The following KIF6 variants were observed in gnomAD, a reference collection of about 807,000 sequenced individuals.
KIF6 encodes kinesin-like protein KIF6.
Under a neutral mutation model 112.7 loss-of-function variants are expected in KIF6, and 106 were observed. The ratio of observed to expected loss-of-function variants is 0.94; its 90% CI spans 0.80 to 1.11. The LOEUF (loss-of-function observed/expected upper bound fraction) is 1.11, where lower values mean the gene tolerates loss of function less well. Among genes scored for constraint, KIF6 ranks in the 50% least tolerant of loss-of-function variants. The pLI is 0.00. For synonymous variants in KIF6, 339 were observed against 339.9 expected (o/e 1.00, Z 0.03); for missense variants, 929 against 964.0 (o/e 0.96, Z 0.48).
At chr6:39,511,440 C>A (rs1776773017) in intron 13 of KIF6, among the ~76,000 whole-genome samples, 1 of 152,110 alleles carries the variant, frequency 6.6e-6, no homozygotes, top group Non-Finnish European at 1.5e-5. Flanking sequence ...AGTCAAGAAA[C>A]AACAGGTGCT....
In KIF6 at chr6:39,332,412, T is replaced by C. The variant is rs1291107063; in HGVS notation, c.*4120A>G. On this transcript the variant is annotated 3_prime_UTR_variant, in exon 23 of 23. Coordinates refer to ENST00000287152, the MANE Select transcript of KIF6 (RefSeq NM_145027.6). Reference sequence around the variant, plus strand: ...TATTCCTTTAGATATTTTGAAGCTTTGTTTTGGGACTCATTGAAGTTACTT... The same window carrying C: ...TATTCCTTTAGATATTTTGAAGCTTCGTTTTGGGACTCATTGAAGTTACTT... The C allele has an allele frequency of 3.3e-5, 5 of 152,240 alleles. No homozygotes were observed. The highest frequency in any genetic ancestry group is 1.2e-4 in the African/African-American group (5 of 41,454). 9.4% of individuals were successfully genotyped at this position (152,240 alleles called of 1,614,324 possible).
chr6:39,544,597 T>C lies in KIF6; in HGVS notation c.1384A>G (p.Arg462Gly). Residue 462 changes from arginine (R) to glycine (G), a missense_variant, in exon 12 of 23, where the codon AGA (arginine) becomes GGA (glycine). Arg to Gly is a moderately radical substitution (Grantham distance 125, BLOSUM62 -2). Transcript: ENST00000287152. ...TGTTTCAGAATATCTCGTAGCTTTC[T>C]ATATTCTTCTTCTTTTAATGGTTCT... ...CQEPLKEEEY[R>G]KLRDILKQRD... 2 of 1,611,156 alleles carry C rather than the reference T, an allele frequency of 1.2e-6. No individual in the cohort carries two copies. The highest frequency in any genetic ancestry group is 1.7e-6 in the Non-Finnish European group (2 of 1,177,442).
In KIF6 at chr6:39,675,176, C is replaced by T. The variant is rs1214424713; in HGVS notation, c.252-35419G>A. On this transcript the variant is annotated intron_variant, in intron 3 of 22. Transcript: ENST00000287152. ...AAAAGCTTATGAGCTAATCCTGGGG[C>T]ACACATAGGAGTGTGGGATGGAGAA... is the stretch of plus-strand genomic sequence containing the variant. Among the ~76,000 whole-genome samples, 3 of 152,172 alleles carry T rather than the reference C, an allele frequency of 2.0e-5. No individual in the cohort carries two copies. The East Asian group carries it at 5.8e-4, about 29-fold the overall frequency.
At position 39,534,364 on chromosome 6, in the gene KIF6, T is replaced by A. The variant is rs1313038959; in HGVS notation, c.1645+5639A>T. Among the ~76,000 whole-genome samples, 4 of 152,126 alleles carry A rather than the reference T, an allele frequency of 2.6e-5. No individual in the cohort carries two copies. In the East Asian group the frequency reaches 5.8e-4, roughly 22 times the overall value. On this transcript the variant is annotated intron_variant, in intron 13 of 22. Coordinates refer to ENST00000287152, the MANE Select transcript of KIF6 (RefSeq NM_145027.6). Reference sequence around the variant, plus strand: ...AGAATAACCAATACAGAGAAGTGCTTAAAGGAGCTGATGGAGCTGAAAGCC... The same window carrying A: ...AGAATAACCAATACAGAGAAGTGCTAAAAGGAGCTGATGGAGCTGAAAGCC...
At chr6:39,434,559 C>T (rs1239647218) in intron 13 of KIF6, among the ~76,000 whole-genome samples, 2 of 151,738 alleles carry the variant, frequency 1.3e-5, no homozygotes, top group Non-Finnish European at 2.9e-5. Flanking sequence ...TGACAAGGTG[C>T]GACTCCATCT....
chr6:39,423,072 C>A (rs144959016), intron 14 of KIF6, among the ~76,000 whole-genome samples: 5 of 152,300 alleles, frequency 3.3e-5, no homozygotes, highest in Admixed American at 3.3e-4. Context: ...ATTAGGGCGT[C>A]GTTAGTTGTG....
At position 39,657,082 on chromosome 6, in the gene KIF6, A is replaced by T. The variant is rs548998926; in HGVS notation, c.252-17325T>A. ...CCCGTCTCTACTAAAAATACAAAAAAATTTGCCAGGCCTGGTGGTGCGTGC... is the reference window on the plus strand; with the variant it reads ...CCCGTCTCTACTAAAAATACAAAAATATTTGCCAGGCCTGGTGGTGCGTGC... On this transcript the variant is annotated intron_variant, in intron 3 of 22. Coordinates refer to ENST00000287152, the MANE Select transcript of KIF6 (RefSeq NM_145027.6). Among the ~76,000 whole-genome samples, 336 of 151,716 alleles carry T rather than the reference A, an allele frequency of 2.2e-3. 2 individuals carry two copies. The highest frequency in any genetic ancestry group is 2.8e-3 in the Non-Finnish European group (191 of 67,914).
chr6:39,708,716 A>G lies in KIF6; in HGVS notation c.251+5976T>C, dbSNP rs531119353. ...AAACTGGAATTCTGCAAACTTGCAG[A>G]TGTGTGCTAAGACCTCACAAATGTC... On this transcript the variant is annotated intron_variant, in intron 3 of 22. Coordinates refer to ENST00000287152, the MANE Select transcript of KIF6 (RefSeq NM_145027.6). 1.3e-5 allele frequency among the ~76,000 whole-genome samples: 2 copies of G among 152,200 alleles called. 1 individual carries two copies. Among genetic ancestry groups the G allele is most frequent in the South Asian group, 4.1e-4 (2 of 4,832 alleles).
intron 13 of KIF6, among the ~76,000 whole-genome samples, chr6:39,537,501 A>C (rs1333545363): frequency 6.6e-6 from 1 of 151,866 alleles, no homozygotes; most frequent in Non-Finnish European, 1.5e-5. Context: ...TAGGAATCCA[A>C]CTTACAAGGG....
intron 9 of KIF6, 96 bp from the exon 10 acceptor site, chr6:39,578,255 A>T: frequency 1.3e-6 from 1 of 784,210 alleles, no homozygotes; most frequent in East Asian, 2.5e-5. Flanking sequence ...GGACAATTTT[A>T]TGGACACAAA....
chr6:39,360,633 A>AGCACCAGG, intron 17 of KIF6, 103 bp from the exon 18 acceptor site: 1 of 1,366,992 alleles, frequency 7.3e-7, no homozygotes, highest in Non-Finnish European at 1.0e-6. Context: ...ATCCCGTCAG[A>AGCACCAGG]GCTGCCCTGG....
chr6:39,615,391 C>G (rs962810173), intron 5 of KIF6, among the ~76,000 whole-genome samples: 2 of 152,140 alleles, frequency 1.3e-5, no homozygotes, highest in Non-Finnish European at 2.9e-5. Flanking sequence ...GGTGCATACA[C>G]TCATTGGGCA....
At chr6:39,570,871 A>G (rs1246952350) in intron 10 of KIF6, among the ~76,000 whole-genome samples, 7 of 152,200 alleles carry the variant, frequency 4.6e-5, no homozygotes, top group Non-Finnish European at 7.3e-5. Flanking sequence ...TCTTTTCTTT[A>G]TAAATTACCC....
chr6:39,589,806 T>A (rs1017685290), intron 7 of KIF6, among the ~76,000 whole-genome samples: 1 of 152,246 alleles, frequency 6.6e-6, no homozygotes, highest in Non-Finnish European at 1.5e-5. Flanking sequence ...GTGTGTCTCC[T>A]GGTTGCTCTG....
At position 39,714,727 on chromosome 6, in the gene KIF6, G is replaced by T. The variant is rs752700038; in HGVS notation, c.216C>A (p.Thr72=). Residue 72 remains threonine, a synonymous_variant, in exon 3 of 23, where the codon ACC becomes ACA. Coordinates refer to ENST00000287152, the MANE Select transcript of KIF6 (RefSeq NM_145027.6). ...CTGGTTTGGCAATGTTTTCAAAAAC[G>T]GTCTCTTGGTTTGCATCCTGATCAA... The part of the protein sequence containing the change: ...RIFDQDANQE[T]VFENIAKPVA... 1 of 1,613,748 alleles carries T rather than the reference G, an allele frequency of 6.2e-7. No individual in the cohort carries two copies. Among genetic ancestry groups the T allele is most frequent in the Non-Finnish European group, 8.5e-7 (1 of 1,179,732 alleles).
At chr6:39,647,425 T>C (rs1039288781) in intron 3 of KIF6, among the ~76,000 whole-genome samples, 2 of 152,140 alleles carry the variant, frequency 1.3e-5, no homozygotes, top group Non-Finnish European at 2.9e-5. Context: ...TGGCCAGTCA[T>C]ACCACTTGAT....
At chr6:39,625,343 G>A (rs146363192) in intron 5 of KIF6, among the ~76,000 whole-genome samples, 1 of 152,158 alleles carries the variant, frequency 6.6e-6, no homozygotes, top group Non-Finnish European at 1.5e-5. Flanking sequence ...AGTAGGTTGG[G>A]CTAGGCTTCG....
At position 39,378,233 on chromosome 6, in the gene KIF6, A is replaced by G. The variant is rs1463167527; in HGVS notation, c.1861+7389T>C. On this transcript the variant is annotated intron_variant, in intron 16 of 22. Coordinates refer to ENST00000287152, the MANE Select transcript of KIF6 (RefSeq NM_145027.6). The surrounding 1 kb of genome is among the most constrained non-coding windows in gnomAD (Gnocchi z 5.0). ...CACATATAACATGTACAACATATCC[A>G]TACCACCAACACACCACACACACAC... Among the ~76,000 whole-genome samples the G allele has an allele frequency of 6.6e-6, 1 of 151,650 alleles. No individual in the cohort carries two copies. The highest frequency in any genetic ancestry group is 2.4e-5 in the African/African-American group (1 of 41,272).
At position 39,662,785 on chromosome 6, in the gene KIF6, G is replaced by A. The variant is rs140464384; in HGVS notation, c.252-23028C>T. Reference sequence around the variant, plus strand: ...AAAGCAAGGTGTTTCTCTGCCTGGCGTACCCCAATGTCTTCAGAGCCAAAA... The same window carrying A: ...AAAGCAAGGTGTTTCTCTGCCTGGCATACCCCAATGTCTTCAGAGCCAAAA... On this transcript the variant is annotated intron_variant, in intron 3 of 22. Coordinates refer to ENST00000287152, the MANE Select transcript of KIF6 (RefSeq NM_145027.6). Among the ~76,000 whole-genome samples the A allele has an allele frequency of 6.6e-3, 999 of 152,198 alleles. 8 individuals are homozygous for A. The highest frequency in any genetic ancestry group is 0.011 in the Non-Finnish European group (768 of 68,004).
Sources: gnomAD v4.1 joint callset for allele counts (sites outside exome capture counted in the v4.1 genomes callset) on GRCh38, gnomAD v4.1.1 for gene constraint, Gnocchi (gnomAD v3.1) non-coding constraint, MANE v1.5 for transcripts, NCBI Gene and HGNC (gene_info 2026-07-23, HGNC 2026-07-21) for gene names.